The following CREB5 variants were observed in gnomAD, a reference collection of about 807,000 sequenced individuals.
CREB5 encodes cAMP responsive element binding protein 5, also known as cyclic AMP-responsive element-binding protein 5.
Under a neutral mutation model 57.1 loss-of-function variants are expected in CREB5, and 19 were observed. That is an observed-to-expected ratio of 0.33 (90% CI 0.23 to 0.49). CREB5 has a LOEUF of 0.49. Among genes scored for constraint, CREB5 ranks in the 20% least tolerant of loss-of-function variants. The probability of loss-of-function intolerance (pLI) is 0.99; values close to 1 mark genes in which losing one functional copy is unlikely to be tolerated. For synonymous variants in CREB5, 238 were observed against 238.3 expected (o/e 1.00, Z 0.01); for missense variants, 579 against 671.6 (o/e 0.86, Z 1.52).
intron 1 of CREB5, among the ~76,000 whole-genome samples, chr7:28,466,016 T>C (rs141378392): frequency 6.6e-6 from 1 of 152,136 alleles, no homozygotes; most frequent in African/African-American, 2.4e-5. Context: ...ACAGTCAAAA[T>C]AAGGACAACT....
intron 1 of CREB5, among the ~76,000 whole-genome samples, chr7:28,327,801 A>G (rs1041038975): frequency 1.1e-4 from 16 of 152,232 alleles, no homozygotes; most frequent in Non-Finnish European, 8.8e-5. Flanking sequence ...AGAAAATGCT[A>G]ACACAGATAT....
intron 4 of CREB5, among the ~76,000 whole-genome samples, chr7:28,560,913 TGC>T (rs1491222075): frequency 0.017 from 374 of 21,902 alleles, 31 homozygotes; most frequent in Non-Finnish European, 0.019. Context: ...CGCGTGCGTG[TGC>T]GTGTGTGCGC....
chr7:28,653,253 A>T (rs1405403231), intron 5 of CREB5, among the ~76,000 whole-genome samples: 1 of 152,176 alleles, frequency 6.6e-6, no homozygotes, highest in Non-Finnish European at 1.5e-5. Flanking sequence ...CACTAAACAT[A>T]TATAAGATTG....
intron 5 of CREB5, among the ~76,000 whole-genome samples, chr7:28,629,893 A>G (rs1798139648): frequency 6.6e-6 from 1 of 152,226 alleles, no homozygotes; most frequent in Non-Finnish European, 1.5e-5. Flanking sequence ...TGATTGACAA[A>G]GGAGTATAGA....
At chr7:28,434,291 C>A (rs983026033) in intron 1 of CREB5, among the ~76,000 whole-genome samples, 1 of 152,046 alleles carries the variant, frequency 6.6e-6, no homozygotes, top group African/African-American at 2.4e-5. Context: ...TTGGAAAATT[C>A]TCTGAAAATG....
intron 5 of CREB5, among the ~76,000 whole-genome samples, chr7:28,582,071 G>C (rs1459866516): frequency 6.6e-6 from 1 of 152,136 alleles, no homozygotes; most frequent in African/African-American, 2.4e-5. Flanking sequence ...TGTGGTCCTG[G>C]ATATTTATAT....
intron 1 of CREB5, among the ~76,000 whole-genome samples, chr7:28,307,710 T>A (rs936480570): frequency 6.6e-6 from 1 of 152,186 alleles, no homozygotes; most frequent in African/African-American, 2.4e-5. Context: ...CTTGCAAACA[T>A]GTATTTGCTG....
At chr7:28,676,679 C>A (rs1800337815) in intron 5 of CREB5, among the ~76,000 whole-genome samples, 1 of 152,112 alleles carries the variant, frequency 6.6e-6, no homozygotes, top group Non-Finnish European at 1.5e-5. Context: ...TATCCAGAGG[C>A]CACTGTTGAT....
At chr7:28,397,035 G>T (rs1787349660) in intron 1 of CREB5, among the ~76,000 whole-genome samples, 1 of 152,100 alleles carries the variant, frequency 6.6e-6, no homozygotes, top group African/African-American at 2.4e-5. Flanking sequence ...GAGTGTTTTT[G>T]TTCATAACAA....
intron 9 of CREB5, among the ~76,000 whole-genome samples, chr7:28,815,840 T>C (rs1000975002): frequency 6.6e-6 from 1 of 152,196 alleles, no homozygotes; most frequent in African/African-American, 2.4e-5. Context: ...GTTTTGTTTT[T>C]AATACTTTTC....
intron 1 of CREB5, among the ~76,000 whole-genome samples, chr7:28,401,005 A>G (rs1437444970): frequency 1.3e-5 from 2 of 152,224 alleles, no homozygotes; most frequent in Non-Finnish European, 2.9e-5. Context: ...CATTGATCTT[A>G]AGGAAATGAC....
intron 1 of CREB5, among the ~76,000 whole-genome samples, chr7:28,373,701 C>G (rs1238594516): frequency 1.3e-5 from 2 of 151,978 alleles, no homozygotes; most frequent in African/African-American, 4.8e-5. Flanking sequence ...ACTGGGATTA[C>G]AGGTGTGAAC....
In CREB5 at chr7:28,341,238, A is replaced by T. The variant is rs73293242; in HGVS notation, c.-25+41797A>T. Among the ~76,000 whole-genome samples the T allele has an allele frequency of 2.5e-3, 380 of 152,174 alleles. 2 individuals carry two copies. Among genetic ancestry groups the T allele is most frequent in the African/African-American group, 8.9e-3 (368 of 41,492 alleles). On this transcript the variant is annotated intron_variant, in intron 1 of 9. Coordinates refer to the CREB5 transcript ENST00000396299. ...TCTAGTTTCTACTTTAAAATTTTAC[A>T]CTATATCATAAGCATTTTTTTCTAC... is the stretch of plus-strand genomic sequence containing the variant.
At chr7:28,465,242 G>A (rs1178419776) in intron 1 of CREB5, among the ~76,000 whole-genome samples, 2 of 152,158 alleles carry the variant, frequency 1.3e-5, no homozygotes, top group Non-Finnish European at 2.9e-5. Flanking sequence ...TTCCCTCGAG[G>A]TTGCCTCAAA....
chr7:28,691,419 CCA>C (rs1491156392), intron 5 of CREB5, among the ~76,000 whole-genome samples: 142 of 91,988 alleles, frequency 1.5e-3, no homozygotes, highest in South Asian at 2.7e-3. Flanking sequence ...GACTCTGTCT[CCA>C]AAAAAAAAAA....
At chr7:28,616,379 T>C (rs977011155) in intron 5 of CREB5, among the ~76,000 whole-genome samples, 2 of 152,242 alleles carry the variant, frequency 1.3e-5, no homozygotes. Context: ...GAGAACCTTC[T>C]CCTCATCAAC....
chr7:28,809,104 T>C, intron 8 of CREB5, 83 bp from the exon 9 acceptor site: 1 of 1,312,806 alleles, frequency 7.6e-7, no homozygotes, highest in Non-Finnish European at 1.1e-6. Context: ...GTGCTTTGCT[T>C]TTTAACATCA....
chr7:28,660,381 GTTTTTTTTTTTT>G (rs10696255), intron 5 of CREB5, among the ~76,000 whole-genome samples: 1 of 119,260 alleles, frequency 8.4e-6, no homozygotes, highest in Non-Finnish European at 1.7e-5. Context: ...GCATTCAACA[GTTTTTTTTTTTT>G]TTTTTTTTGA....
intron 9 of CREB5, among the ~76,000 whole-genome samples, chr7:28,810,310 T>C (rs933924583): frequency 8.6e-5 from 13 of 151,928 alleles, no homozygotes; most frequent in African/African-American, 3.1e-4. Context: ...TATACTCCAG[T>C]GCTTCCAGAA....
Sources: gnomAD v4.1 joint callset for allele counts (sites outside exome capture counted in the v4.1 genomes callset) on GRCh38, gnomAD v4.1.1 for gene constraint, MANE v1.5 for transcripts, NCBI Gene and HGNC (gene_info 2026-07-23, HGNC 2026-07-21) for gene names.